The following CYS1 variants were observed in gnomAD, a reference collection of about 807,000 sequenced individuals.
CYS1 encodes cystin-1.
A neutral mutation model predicts 9.6 loss-of-function variants in CYS1; 5 were observed. The observed-to-expected ratio is 0.52, with a 90% confidence interval of 0.27 to 1.10. CYS1 has a LOEUF of 1.10. Among genes scored for constraint, CYS1 ranks in the 50% least tolerant of loss-of-function variants. The pLI is 0.11. For synonymous variants in CYS1, 88 were observed against 95.7 expected (o/e 0.92, Z 0.47); for missense variants, 221 against 207.9 (o/e 1.06, Z -0.39).
intron 1 of CYS1, among the ~76,000 whole-genome samples, chr2:10,075,785 T>G (rs974448964): frequency 6.6e-6 from 1 of 152,174 alleles, no homozygotes; most frequent in African/African-American, 2.4e-5. Context: ...CCCGAGACTC[T>G]CTTGCAAAAC....
At chr2:10,060,732 C>G (rs1661615733) in intron 2 of CYS1, among the ~76,000 whole-genome samples, 1 of 152,244 alleles carries the variant, frequency 6.6e-6, no homozygotes, top group Non-Finnish European at 1.5e-5. Flanking sequence ...CCAGGCAGAT[C>G]TCACCTGGCT....
At chr2:10,074,191 A>C (rs1395929614) in intron 1 of CYS1, among the ~76,000 whole-genome samples, 2 of 152,202 alleles carry the variant, frequency 1.3e-5, no homozygotes, top group African/African-American at 4.8e-5. Flanking sequence ...CTCCAGCTCC[A>C]ACCACTTTTC....
chr2:10,072,039 T>TGACCCTTAAAACTAAAGTTTTC, intron 1 of CYS1, among the ~76,000 whole-genome samples: 1 of 151,954 alleles, frequency 6.6e-6, no homozygotes, highest in Non-Finnish European at 1.5e-5. Context: ...TTAAAGTTTT[T>TGACCCTTAAAACTAAAGTTTTC]GACTCTTAAA....
At chr2:10,073,606 T>A (rs1398653210) in intron 1 of CYS1, among the ~76,000 whole-genome samples, 1 of 151,948 alleles carries the variant, frequency 6.6e-6, no homozygotes, top group Non-Finnish European at 1.5e-5. Flanking sequence ...AGGGGGCTGC[T>A]TTCCCTGCTG....
At position 10,076,480 on chromosome 2, in the gene CYS1, A is replaced by G. The variant is rs889170809; in HGVS notation, c.318+3426T>C. On this transcript the variant is annotated intron_variant, in intron 1 of 2. Coordinates refer to ENST00000381813, the MANE Select transcript of CYS1 (RefSeq NM_001037160.3). The surrounding 1 kb of genome is among the most constrained non-coding windows in gnomAD (Gnocchi z 4.3). ...CCAAGGCGCCTCCCACCACTCTCTG[A>G]CCCATCTCTCACCAAGGACCTTGAG... Among the ~76,000 whole-genome samples the G allele has an allele frequency of 1.3e-5, 2 of 152,044 alleles. No homozygotes were observed. The highest frequency in any genetic ancestry group is 2.9e-5 in the Non-Finnish European group (2 of 67,996).
chr2:10,075,044 G>A (rs960276840), intron 1 of CYS1, among the ~76,000 whole-genome samples: 2 of 152,104 alleles, frequency 1.3e-5, no homozygotes, highest in Non-Finnish European at 2.9e-5. Context: ...CCCGGGAGGC[G>A]GAGGCTGCAG....
At chr2:10,064,593 C>T (rs1196677615) in intron 2 of CYS1, among the ~76,000 whole-genome samples, 1 of 152,194 alleles carries the variant, frequency 6.6e-6, no homozygotes, top group Non-Finnish European at 1.5e-5. Flanking sequence ...CTTTAATCCT[C>T]CCTCCCCAAT....
intron 1 of CYS1, among the ~76,000 whole-genome samples, chr2:10,075,953 AAGGC>A (rs1426762274): frequency 1.3e-5 from 2 of 152,166 alleles, no homozygotes; most frequent in South Asian, 4.1e-4. Context: ...TTGGGAGGCC[AAGGC>A]AGGGGGACCA....
intron 1 of CYS1, among the ~76,000 whole-genome samples, chr2:10,068,055 G>T (rs1661719323): frequency 6.6e-6 from 1 of 151,870 alleles, no homozygotes; most frequent in Non-Finnish European, 1.5e-5. Context: ...CTGTGTTCTG[G>T]GTCATTTCTA....
At chr2:10,073,630 C>T (rs557839619) in intron 1 of CYS1, among the ~76,000 whole-genome samples, 3 of 149,066 alleles carry the variant, frequency 2.0e-5, no homozygotes, top group Admixed American at 1.3e-4. Context: ...AATGGGCTCA[C>T]GGCATTTAGG....
At chr2:10,072,760 G>A (rs943323441) in intron 1 of CYS1, among the ~76,000 whole-genome samples, 2 of 152,228 alleles carry the variant, frequency 1.3e-5, no homozygotes, top group African/African-American at 4.8e-5. Flanking sequence ...CCACCAGAGG[G>A]CACTGTTCTC....
At chr2:10,067,951 T>A (rs1426645154) in intron 1 of CYS1, among the ~76,000 whole-genome samples, 1 of 152,208 alleles carries the variant, frequency 6.6e-6, no homozygotes, top group East Asian at 1.9e-4. Flanking sequence ...AATCCTTTAT[T>A]GAAAGAAAAA....
At position 10,076,126 on chromosome 2, in the gene CYS1, T is replaced by C. The variant is rs1661839388; in HGVS notation, c.318+3780A>G. 6.6e-6 allele frequency among the ~76,000 whole-genome samples: 1 copy of C among 152,104 alleles called. No homozygotes were observed. ...ATTGCTTGAATCCTGGAGGCAGAGGTTGCAGTGAGCCGATGCACTCCAGCC... is the reference window on the plus strand; with the variant it reads ...ATTGCTTGAATCCTGGAGGCAGAGGCTGCAGTGAGCCGATGCACTCCAGCC... On this transcript the variant is annotated intron_variant, in intron 1 of 2. Transcript: ENST00000381813. The surrounding 1 kb of genome is among the most constrained non-coding windows in gnomAD (Gnocchi z 4.3).
At chr2:10,066,347 C>T (rs779360146) in intron 1 of CYS1, among the ~76,000 whole-genome samples, 24 of 151,872 alleles carry the variant, frequency 1.6e-4, no homozygotes, top group Non-Finnish European at 2.8e-4. Flanking sequence ...GAGGGCACCC[C>T]GTGTGTCACC....
At position 10,076,710 on chromosome 2, in the gene CYS1, C is replaced by T. The variant is rs931889226; in HGVS notation, c.318+3196G>A. ...CAACCTTTGAACAGCGTGCTCAACC[C>T]CTGGCCTCGTCCCACGTTAGTTCAC... On this transcript the variant is annotated intron_variant, in intron 1 of 2. Coordinates refer to ENST00000381813, the MANE Select transcript of CYS1 (RefSeq NM_001037160.3). This position sits in a 1 kb window ranked among gnomAD's most constrained non-coding sequence, Gnocchi z 4.3. 6.6e-6 allele frequency among the ~76,000 whole-genome samples: 1 copy of T among 152,178 alleles called. No homozygotes were observed. The highest frequency in any genetic ancestry group is 2.4e-5 in the African/African-American group (1 of 41,438).
chr2:10,059,231 G>A (rs983134513), intron 2 of CYS1, among the ~76,000 whole-genome samples: 9 of 152,390 alleles, frequency 5.9e-5, no homozygotes, highest in Non-Finnish European at 1.2e-4. Context: ...TGGGAAGACC[G>A]AGCTTGAATC....
chr2:10,069,821 C>T (rs1287337299), intron 1 of CYS1, among the ~76,000 whole-genome samples: 1 of 152,176 alleles, frequency 6.6e-6, no homozygotes, highest in Non-Finnish European at 1.5e-5. Context: ...ATAAATTGAG[C>T]GATCAGAGTA....
chr2:10,060,536 CTA>C (rs1661612006), intron 2 of CYS1, among the ~76,000 whole-genome samples: 1 of 152,246 alleles, frequency 6.6e-6, no homozygotes, highest in Admixed American at 6.5e-5. Flanking sequence ...CGTCATGCCC[CTA>C]TTGACCAGCT....
In CYS1 at chr2:10,080,171, G is replaced by A. The variant is rs1207004989; in HGVS notation, c.53C>T (p.Pro18Leu). The change falls in exon 1 of 3, where the codon CCC becomes CTC. Residue 18 changes from proline (P) to leucine (L), a missense_variant. Pro to Leu is a moderately conservative substitution (Grantham distance 98). Transcript: ENST00000381813. The surrounding 1 kb of genome is among the most constrained non-coding windows in gnomAD (Gnocchi z 6.4). ...TCCGGGCCCCGCGGGGAGGCTCTCG[G>A]GGCTGCGCCGCCGCCTCAGAGTCCG... ...SSRTLRRRRS[P>L]ESLPAGPGAA... The A allele has an allele frequency of 2.2e-5, 24 of 1,068,226 alleles. No individual in the cohort carries two copies. Among genetic ancestry groups the A allele is most frequent in the Non-Finnish European group, 2.7e-5 (24 of 885,396 alleles). 66.2% of individuals were successfully genotyped at this position (1,068,226 alleles called of 1,614,324 possible). A position where few individuals can be genotyped will look rare whatever the true frequency, so the allele number is the denominator to read the frequency against.
Sources: allele counts gnomAD v4.1 joint callset (sites outside exome capture counted in the v4.1 genomes callset), GRCh38; gene constraint gnomAD v4.1.1; non-coding constraint Gnocchi (gnomAD v3.1); transcripts MANE v1.5; gene names NCBI Gene and HGNC (gene_info 2026-07-23, HGNC 2026-07-21).